Variants in ZFP64 observed in about 807,000 individuals in gnomAD.
ZFP64 encodes zinc finger protein 64.
A neutral mutation model predicts 51.6 loss-of-function variants in ZFP64; 14 were observed. That is an observed-to-expected ratio of 0.27 (90% CI 0.18 to 0.42). ZFP64 has a LOEUF of 0.42. Ranked by LOEUF, ZFP64 falls within the 10% of genes least tolerant of loss-of-function variation. The pLI is 1.00. For missense variants in ZFP64, 754 were observed against 906.8 expected (o/e 0.83, Z 2.16); for synonymous variants, 375 against 361.4 (o/e 1.04, Z -0.43).
In ZFP64 at chr20:52,153,340, C is replaced by A. The variant is rs1333276063; in HGVS notation, c.852G>T (p.Glu284Asp). 6.2e-7 allele frequency: 1 copy of A among 1,614,200 alleles called. No individual in the cohort carries two copies. The highest frequency in any genetic ancestry group is 1.7e-5 in the Admixed American group (1 of 60,032). Reference protein sequence around the residue: ...LKRHMRVHSGEKPFKCEFCNV... With the variant: ...LKRHMRVHSGDKPFKCEFCNV... ...TGCAGAACTCGCACTTGAAAGGCTT[C>A]TCCCCCGAGTGCACCCGCATGTGCC... Residue 284 changes from glutamate (E) to aspartate (D), a missense_variant, in exon 6 of 6, where the codon GAG (glutamate) becomes GAT (aspartate). By Grantham distance (45) the Glu-to-Asp change is conservative (BLOSUM62 2). This residue lies in a region of ZFP64 where 231 missense variants were observed against 336.7 expected (regional missense o/e 0.69). Coordinates refer to ENST00000216923, the MANE Select transcript of ZFP64 (RefSeq NM_018197.3). This position sits in a 1 kb window ranked among gnomAD's most constrained non-coding sequence, Gnocchi z 5.1.
In ZFP64 at chr20:52,153,084, G is replaced by A; in HGVS notation, c.1108C>T (p.Pro370Ser). ...AAGCTGCAGTAGTTGCACTTGAAAG[G>A]GCGGTCGGTGCAGTGGATACGCTCG... ...IHERIHCTDRPFKCNYCSFDT... is the reference protein window; with the variant it reads ...IHERIHCTDRSFKCNYCSFDT... The change falls in exon 6 of 6, where the codon CCT becomes TCT. Residue 370 changes from proline to serine, a missense_variant. Around this residue, in one of 3 missense-constraint regions of ZFP64, gnomAD observed 428 missense variants for 472.4 expected, o/e 0.91. Coordinates refer to ENST00000216923, the MANE Select transcript of ZFP64 (RefSeq NM_018197.3). The surrounding 1 kb of genome is among the most constrained non-coding windows in gnomAD (Gnocchi z 5.1). The A allele has an allele frequency of 6.2e-7, 1 of 1,614,200 alleles. No homozygotes were observed. The highest frequency in any genetic ancestry group is 8.5e-7 in the Non-Finnish European group (1 of 1,180,040).
In ZFP64 at chr20:52,094,026, C is replaced by T. The variant is rs145087063; in HGVS notation, c.976+3347G>A. ...TTTTGAGAAGAGTCCATCCAAATTG[C>T]CAGGAGTGCATAGCACAACAAAGGT... On this transcript the variant is annotated intron_variant, in intron 7 of 8. Coordinates refer to the ZFP64 transcript ENST00000361387. Among the ~76,000 whole-genome samples the T allele has an allele frequency of 5.4e-3, 815 of 152,216 alleles. 3 individuals carry two copies. Among genetic ancestry groups the T allele is most frequent in the Non-Finnish European group, 7.8e-3 (528 of 68,016 alleles).
chr20:52,134,952 T>TC (rs1203604501), intron 5 of ZFP64, among the ~76,000 whole-genome samples: 1 of 152,114 alleles, frequency 6.6e-6, no homozygotes, highest in Non-Finnish European at 1.5e-5. Flanking sequence ...AACCTCTGCC[T>TC]CCTGGGCTCA....
At chr20:52,174,004 T>C (rs1201434033) in intron 2 of ZFP64, among the ~76,000 whole-genome samples, 1 of 152,158 alleles carries the variant, frequency 6.6e-6, no homozygotes, top group Non-Finnish European at 1.5e-5. Context: ...TAAATACTTA[T>C]TTGAGAAATT....
At chr20:52,184,978 A>G (rs1430634594) in intron 2 of ZFP64, among the ~76,000 whole-genome samples, 1 of 152,162 alleles carries the variant, frequency 6.6e-6, no homozygotes, top group South Asian at 2.1e-4. Flanking sequence ...CTTTCTCTAT[A>G]GTACATGCTG....
At position 52,140,687 on chromosome 20, in the gene ZFP64, G is replaced by C. The variant is rs527762501; in HGVS notation, c.763+19436C>G. 1.6e-4 allele frequency among the ~76,000 whole-genome samples: 24 copies of C among 152,320 alleles called. 1 individual carries two copies. The East Asian group carries it at 3.7e-3, about 23-fold the overall frequency. ...AGTGCAAAGTGAAGCAGCAGGTGCT[G>C]ATGTAGAAGCTGCAGCAAGTTACCC... On this transcript the variant is annotated intron_variant, in intron 5 of 8. Coordinates refer to the ZFP64 transcript ENST00000361387.
intron 5 of ZFP64, among the ~76,000 whole-genome samples, chr20:52,142,022 A>C (rs1461224726): frequency 2.0e-5 from 3 of 152,168 alleles, no homozygotes; most frequent in Non-Finnish European, 4.4e-5. Flanking sequence ...TACAGTGTGG[A>C]ATAGTAGACA....
chr20:52,115,704 A>G (rs6096762), intron 5 of ZFP64, among the ~76,000 whole-genome samples: 26,895 of 151,886 alleles, frequency 0.18, 2,525 homozygotes, highest in Non-Finnish European at 0.21. Context: ...TGTGAGACAT[A>G]GCACCCAGCC....
intron 2 of ZFP64, 117 bp downstream of exon 2, chr20:52,186,715 T>C (rs1983990602): frequency 3.6e-6 from 5 of 1,381,468 alleles, no homozygotes; most frequent in Admixed American, 5.0e-5. Context: ...TTAAAAATAA[T>C]GAATCAGCAA....
In ZFP64 at chr20:52,099,527, T is replaced by C. The variant is rs565225590; in HGVS notation, c.764-940A>G. ...CAATATCGGGACTTTACTTGGCTCC[T>C]GATTAGAATATGCTGGAAAAGCTGA... On this transcript the variant is annotated intron_variant, in intron 5 of 8. Transcript: ENST00000361387. 2.0e-5 allele frequency among the ~76,000 whole-genome samples: 3 copies of C among 152,356 alleles called. No homozygotes were observed. In the South Asian group the frequency reaches 6.2e-4, roughly 32 times the overall value.
At chr20:52,106,076 C>A (rs1978313048) in intron 5 of ZFP64, among the ~76,000 whole-genome samples, 1 of 152,154 alleles carries the variant, frequency 6.6e-6, no homozygotes, top group African/African-American at 2.4e-5. Flanking sequence ...ATATAGCACG[C>A]GCCCGCTCCC....
In ZFP64 at chr20:52,105,531, T is replaced by G. The variant is rs1370417742; in HGVS notation, c.764-6944A>C. 1.2e-5 allele frequency: 4 copies of G among 337,208 alleles called. No individual in the cohort carries two copies. In the East Asian group the frequency reaches 1.9e-4, roughly 16 times the overall value. 20.9% of individuals were successfully genotyped at this position (337,208 alleles called of 1,614,324 possible). ...CAGACCCGCTGAATCAGAATCTGCA[T>G]TTTAACAAGATCCCCAGGTGATTCG... On this transcript the variant is annotated intron_variant, in intron 5 of 8. Transcript: ENST00000361387.
intron 8 of ZFP64, among the ~76,000 whole-genome samples, chr20:52,086,340 ATTTTG>A (rs2078863752): frequency 6.6e-6 from 1 of 152,030 alleles, no homozygotes; most frequent in South Asian, 2.1e-4. Context: ...CATCAATATA[ATTTTG>A]TTTTCTTTTC....
intron 5 of ZFP64, among the ~76,000 whole-genome samples, chr20:52,137,923 C>G (rs952416962): frequency 6.6e-6 from 1 of 152,012 alleles, no homozygotes; most frequent in African/African-American, 2.4e-5. Flanking sequence ...TGCCTCTAAT[C>G]CCAGCACTCT....
At chr20:52,116,355 C>T (rs1033330035) in intron 5 of ZFP64, among the ~76,000 whole-genome samples, 41 of 151,684 alleles carry the variant, frequency 2.7e-4, no homozygotes, top group Admixed American at 4.6e-4. Context: ...AGGCTGGTCT[C>T]GAACTCCTGA....
chr20:52,150,486 T>C (rs146391631), downstream of ZFP64, among the ~76,000 whole-genome samples: 30 of 152,252 alleles, frequency 2.0e-4, no homozygotes, highest in East Asian at 5.4e-3. Flanking sequence ...AAGCAATAAG[T>C]TTAAAGTGAC....
chr20:52,090,927 C>CAAAAAA (rs797006213), intron 7 of ZFP64, among the ~76,000 whole-genome samples: 2 of 68,078 alleles, frequency 2.9e-5, no homozygotes, highest in Non-Finnish European at 5.5e-5. Flanking sequence ...CTGACTCTAC[C>CAAAAAA]AAAAAAAAAA....
chr20:52,128,066 A>G (rs535523911), intron 5 of ZFP64, among the ~76,000 whole-genome samples: 2 of 152,258 alleles, frequency 1.3e-5, no homozygotes, highest in Admixed American at 1.3e-4. Context: ...TGTTTAGGCC[A>G]TCAGTTACTC....
intron 5 of ZFP64, among the ~76,000 whole-genome samples, chr20:52,119,533 A>T (rs6096770): frequency 0.041 from 3,713 of 89,618 alleles, 193 homozygotes; most frequent in African/African-American, 0.14. Flanking sequence ...AAAAAAAAAA[A>T]ATATATATAT....
Sources: gnomAD v4.1 joint callset for allele counts (sites outside exome capture counted in the v4.1 genomes callset) on GRCh38, gnomAD v4.1.1 for gene constraint, gnomAD v4.1.1 regional missense constraint, Gnocchi (gnomAD v3.1) non-coding constraint, MANE v1.5 for transcripts, NCBI Gene and HGNC (gene_info 2026-07-23, HGNC 2026-07-21) for gene names.